Variants in CABIN1 observed in about 807,000 individuals in gnomAD.
The protein encoded by CABIN1 is calcineurin binding protein 1.
Under a neutral mutation model 227.7 loss-of-function variants are expected in CABIN1, and 133 were observed. The observed-to-expected ratio is 0.58, with a 90% confidence interval of 0.51 to 0.67. The LOEUF is 0.67. Among genes scored for constraint, CABIN1 ranks in the 30% least tolerant of loss-of-function variants. CABIN1 has a pLI of 0.00. For synonymous variants in CABIN1, 1,086 were observed against 1,155.1 expected (o/e 0.94, Z 1.21); for missense variants, 2,408 against 2,852.5 (o/e 0.84, Z 3.55).
chr22:24,064,945 T>A (rs1051924738), intron 15 of CABIN1, among the ~76,000 whole-genome samples: 4 of 152,318 alleles, frequency 2.6e-5, no homozygotes, highest in African/African-American at 9.6e-5. Flanking sequence ...AACCATCCGA[T>A]TTCTCAATCT....
intron 1 of CABIN1, among the ~76,000 whole-genome samples, chr22:24,015,270 C>CAAA (rs1199906542): frequency 8.7e-4 from 44 of 50,482 alleles, no homozygotes; most frequent in South Asian, 2.1e-3. Flanking sequence ...AATCCATCTC[C>CAAA]AAAAAAAAAA....
At chr22:24,174,458 G>A (rs557045168) in intron 34 of CABIN1, among the ~76,000 whole-genome samples, 2 of 152,326 alleles carry the variant, frequency 1.3e-5, no homozygotes, top group East Asian at 3.9e-4. Flanking sequence ...GTGTGGGGGT[G>A]ATGGGAGCCC....
In CABIN1 at chr22:24,177,977, G is replaced by T; in HGVS notation, c.6520-76G>T. ...GAGGGTGGGAGGGGGGCCTGGGGCA[G>T]GGGTGAAGGTGGCAGAGGGGCTTGG... is the stretch of plus-strand genomic sequence containing the variant. On this transcript the variant is annotated intron_variant, in intron 36 of 36. Coordinates refer to ENST00000263119, the MANE Select transcript of CABIN1 (RefSeq NM_012295.4). This position sits in a 1 kb window ranked among gnomAD's most constrained non-coding sequence, Gnocchi z 4.4. 1 of 1,605,270 alleles carries T rather than the reference G, an allele frequency of 6.2e-7. No individual in the cohort carries two copies.
chr22:24,132,967 A>G (rs1176589859), intron 28 of CABIN1, among the ~76,000 whole-genome samples: 1 of 152,096 alleles, frequency 6.6e-6, no homozygotes, highest in African/African-American at 2.4e-5. Context: ...AGGACTGGGT[A>G]TTTTACTGTT....
intron 1 of CABIN1, among the ~76,000 whole-genome samples, chr22:24,019,488 CA>C (rs2035556138): frequency 6.6e-6 from 1 of 151,192 alleles, no homozygotes; most frequent in African/African-American, 2.4e-5. Context: ...CTGCTGACCT[CA>C]AGCAATCCAC....
chr22:24,058,056 G>A (rs2038931773), intron 10 of CABIN1, among the ~76,000 whole-genome samples: 1 of 152,120 alleles, frequency 6.6e-6, no homozygotes, highest in Admixed American at 6.6e-5. Flanking sequence ...GTTAGAGATG[G>A]GGTCTTGCCC....
chr22:24,052,694 G>C (rs183273650), intron 8 of CABIN1, among the ~76,000 whole-genome samples: 301 of 151,954 alleles, frequency 2.0e-3, no homozygotes, highest in Middle Eastern at 6.8e-3. Flanking sequence ...GGGAGGCTGA[G>C]GGGGAGGATT....
rs1219997601 is a variant in CABIN1 at position 24,166,896 on chromosome 22, A to G, written c.5265A>G (p.Ala1755=). Residue 1755 remains alanine, a synonymous_variant, in exon 32 of 37, where the codon GCA becomes GCG. Transcript: ENST00000263119. The part of the protein sequence containing the change: ...GERKDKESPR[A]GPTEPMDTSE... Reference sequence around the variant, plus strand: ...GGAAGGATAAAGAGAGCCCACGGGCAGGGCCCACTGAGCCCATGGACACGA... The same window carrying G: ...GGAAGGATAAAGAGAGCCCACGGGCGGGGCCCACTGAGCCCATGGACACGA... 2 of 1,609,400 alleles carry G rather than the reference A, an allele frequency of 1.2e-6. No homozygotes were observed. Among genetic ancestry groups the G allele is most frequent in the African/African-American group, 2.7e-5 (2 of 74,972 alleles).
At chr22:24,159,361 A>G (rs572256853) in intron 29 of CABIN1, among the ~76,000 whole-genome samples, 1 of 152,378 alleles carries the variant, frequency 6.6e-6, no homozygotes, top group East Asian at 1.9e-4. Context: ...GCCAAGCCCA[A>G]GAAGGCCCCT....
chr22:24,088,435 C>G (rs1374683401), intron 23 of CABIN1, among the ~76,000 whole-genome samples: 1 of 152,084 alleles, frequency 6.6e-6, no homozygotes, highest in Non-Finnish European at 1.5e-5. Context: ...TAGTGAAACC[C>G]CATCTCTACT....
chr22:24,025,397 T>TA (rs1164689226), intron 1 of CABIN1, among the ~76,000 whole-genome samples: 16 of 152,160 alleles, frequency 1.1e-4, no homozygotes, highest in Non-Finnish European at 1.9e-4. Context: ...AAAACATCGA[T>TA]AGCCTGAGAA....
chr22:24,100,070 C>A (rs2042114717), intron 26 of CABIN1, among the ~76,000 whole-genome samples: 1 of 152,190 alleles, frequency 6.6e-6, no homozygotes, highest in Non-Finnish European at 1.5e-5. Flanking sequence ...GTTATTTGTT[C>A]TGGAAGTTTG....
chr22:24,119,531 G>T lies in CABIN1; in HGVS notation c.4465G>T (p.Glu1489Ter). The change falls in exon 28 of 37, where the codon GAG (glutamate) becomes TAG (stop). Residue 1489 changes from glutamate to a stop codon, truncating the protein, a stop_gained. Transcript: ENST00000263119. LOFTEE classifies it high-confidence loss of function. The stretch of plus-strand genomic sequence containing the variant: ...GAAGAAGAGAGGGGACCTCCCAGGG[G>T]AGCCAGTGGCCTTCCCCCAGGGGCT... ...DGKKRGDLPGEPVAFPQGLPA... is the reference protein window; with the variant it reads ...DGKKRGDLPG 3 of 1,613,948 alleles carry T rather than the reference G, an allele frequency of 1.9e-6. No homozygotes were observed. The highest frequency in any genetic ancestry group is 1.7e-6 in the Non-Finnish European group (2 of 1,180,026).
chr22:24,163,558 G>A (rs2046277494), intron 29 of CABIN1, among the ~76,000 whole-genome samples: 1 of 152,160 alleles, frequency 6.6e-6, no homozygotes, highest in South Asian at 2.1e-4. Context: ...TCAGCGTGTT[G>A]GCTGCAGGGA....
chr22:24,044,235 G>A (rs1479457280), intron 6 of CABIN1, among the ~76,000 whole-genome samples: 7 of 152,130 alleles, frequency 4.6e-5, no homozygotes, highest in South Asian at 2.1e-4. Context: ...TGGGAGTGGC[G>A]GCTCAGATGA....
At chr22:24,092,001 A>G in intron 24 of CABIN1, 158 bp downstream of exon 24, 1 of 823,140 alleles carries the variant, frequency 1.2e-6, no homozygotes, top group South Asian at 1.8e-5. Flanking sequence ...TTAAAACATC[A>G]TTTCCTCTCT....
At chr22:24,096,659 G>A (rs1602061019) in intron 25 of CABIN1, among the ~76,000 whole-genome samples, 1 of 152,156 alleles carries the variant, frequency 6.6e-6, no homozygotes, top group South Asian at 2.1e-4. Flanking sequence ...TCCTGGTGCC[G>A]CCCCATCCTC....
chr22:24,153,102 G>T (rs547027771), intron 29 of CABIN1, among the ~76,000 whole-genome samples: 1 of 152,206 alleles, frequency 6.6e-6, no homozygotes, highest in South Asian at 2.1e-4. Flanking sequence ...CCTTGGATTT[G>T]CAGGACCAGA....
At chr22:24,117,843 G>A (rs1354730651) in intron 27 of CABIN1, among the ~76,000 whole-genome samples, 1 of 152,156 alleles carries the variant, frequency 6.6e-6, no homozygotes, top group Admixed American at 6.5e-5. Context: ...CCTAGCACAG[G>A]GCTGATCCCA....
Sources: allele counts gnomAD v4.1 joint callset (sites outside exome capture counted in the v4.1 genomes callset), GRCh38; gene constraint gnomAD v4.1.1; non-coding constraint Gnocchi (gnomAD v3.1); transcripts MANE v1.5; gene names NCBI Gene and HGNC (gene_info 2026-07-23, HGNC 2026-07-21).